The following GAS7 variants were observed in gnomAD, a reference collection of about 807,000 sequenced individuals.
GAS7 encodes growth arrest-specific protein 7.
In GAS7, 28 loss-of-function variants were observed where a neutral mutation model predicts 71.1. The ratio of observed to expected loss-of-function variants is 0.39; its 90% confidence interval spans 0.29 to 0.54. The LOEUF (loss-of-function observed/expected upper bound fraction) is 0.54. Ranked by LOEUF, GAS7 falls within the 20% of genes least tolerant of loss-of-function variation. The pLI, the probability that GAS7 is intolerant of heterozygous loss-of-function variation, is 0.62. For missense variants in GAS7, 436 were observed against 627.8 expected, an observed-to-expected ratio of 0.69 and a Z score of 3.27; for synonymous variants, 258 against 245.8, an observed-to-expected ratio of 1.05 and a Z score of -0.46.
At chr17:10,067,983 T>C (rs534654415) in intron 1 of GAS7, among the ~76,000 whole-genome samples, 1 of 152,360 alleles carries the variant, frequency 6.6e-6, no homozygotes, top group African/African-American at 2.4e-5. Flanking sequence ...TCTGATATTA[T>C]AGGTCCAAAC....
At chr17:10,192,257 AAT>A (rs1225710102) in intron 1 of GAS7, among the ~76,000 whole-genome samples, 6 of 152,308 alleles carry the variant, frequency 3.9e-5, no homozygotes, top group Non-Finnish European at 8.8e-5. Context: ...GAGACAGAGA[AAT>A]ATACTAATTT....
intron 1 of GAS7, among the ~76,000 whole-genome samples, chr17:10,058,929 C>A (rs113203434): frequency 6.6e-6 from 1 of 152,236 alleles, no homozygotes; most frequent in Admixed American, 6.5e-5. Flanking sequence ...GAGGCCGATC[C>A]AGATCAAGTT....
At chr17:10,037,957 A>G (rs575063304) in intron 1 of GAS7, among the ~76,000 whole-genome samples, 9 of 152,320 alleles carry the variant, frequency 5.9e-5, no homozygotes, top group South Asian at 4.1e-4. Flanking sequence ...AAAATGACCA[A>G]TAAGCACATT....
At chr17:9,955,294 T>A (rs1400250408) in intron 5 of GAS7, among the ~76,000 whole-genome samples, 1 of 152,160 alleles carries the variant, frequency 6.6e-6, no homozygotes, top group African/African-American at 2.4e-5. Flanking sequence ...TCCTGATGGT[T>A]AATACCAGGG....
At chr17:9,940,318 C>T (rs2068557098) in intron 7 of GAS7, 118 bp from the exon 8 acceptor site, 1 of 757,356 alleles carries the variant, frequency 1.3e-6, no homozygotes, top group Non-Finnish European at 2.4e-6. Context: ...AGCTCTGAGA[C>T]CACATGGCTC....
At chr17:10,126,736 G>T (rs1159706855) in intron 1 of GAS7, among the ~76,000 whole-genome samples, 1 of 152,212 alleles carries the variant, frequency 6.6e-6, no homozygotes, top group African/African-American at 2.4e-5. Context: ...TCTTTTGAGG[G>T]TTAGGAGCCA....
chr17:10,021,192 A>T (rs2072252982), intron 1 of GAS7, among the ~76,000 whole-genome samples: 1 of 152,214 alleles, frequency 6.6e-6, no homozygotes, highest in African/African-American at 2.4e-5. Flanking sequence ...TTCTCAGCAA[A>T]GCCAGGGGAC....
At chr17:10,173,962 A>G (rs1176550651) in intron 1 of GAS7, among the ~76,000 whole-genome samples, 2 of 152,192 alleles carry the variant, frequency 1.3e-5, no homozygotes, top group South Asian at 2.1e-4. Flanking sequence ...CAGGAAAACC[A>G]GCTGATCTCT....
At chr17:10,138,957 A>G (rs1005239441) in intron 1 of GAS7, among the ~76,000 whole-genome samples, 1 of 152,222 alleles carries the variant, frequency 6.6e-6, no homozygotes, top group African/African-American at 2.4e-5. Flanking sequence ...GATCATCTTG[A>G]GAGATGCTGA....
At chr17:10,053,542 C>A (rs2073092112) in intron 1 of GAS7, among the ~76,000 whole-genome samples, 1 of 152,176 alleles carries the variant, frequency 6.6e-6, no homozygotes, top group Non-Finnish European at 1.5e-5. Flanking sequence ...GGTCACACAC[C>A]ACCAGCCCCA....
chr17:10,133,115 T>TATATATATATATATA (rs201809756), intron 1 of GAS7, among the ~76,000 whole-genome samples: 1 of 123,820 alleles, frequency 8.1e-6, no homozygotes, highest in African/African-American at 3.0e-5. Context: ...AGATTATATA[T>TATATATATATATATA]TTTTATATTT....
At chr17:10,061,098 C>G (rs959517663) in intron 1 of GAS7, 5 of 152,346 alleles carry the variant, frequency 3.3e-5, no homozygotes, top group African/African-American at 1.2e-4. Flanking sequence ...GCCCAAGCTC[C>G]TAAGCCAGGA....
intron 1 of GAS7, among the ~76,000 whole-genome samples, chr17:10,180,670 C>T (rs1191011699): frequency 2.0e-5 from 3 of 152,178 alleles, no homozygotes; most frequent in African/African-American, 2.4e-5. Context: ...ATTTGAGTCA[C>T]ACACACTCTG....
Position 9,970,257 on chromosome 17 carries a change from G to A in GAS7, c.386-495C>T, listed in dbSNP as rs113331595. ...AAGAGGACTGGATTGACTGGTCACC[G>A]TGAAATTAGGCTCTGTCAATTAATA... On this transcript the variant is annotated intron_variant, in intron 3 of 13. Coordinates refer to ENST00000432992, the MANE Select transcript of GAS7 (RefSeq NM_201433.2). Among the ~76,000 whole-genome samples the A allele has an allele frequency of 8.5e-3, 1,299 of 152,276 alleles. 18 individuals are homozygous for A. The highest frequency in any genetic ancestry group is 0.029 in the African/African-American group (1,225 of 41,548).
rs1567836743 is a variant in GAS7, at chr17:9,969,317, T to A, written c.471+360A>T. Among the ~76,000 whole-genome samples the A allele has an allele frequency of 6.6e-6, 1 of 152,036 alleles. No homozygotes were observed. The highest frequency in any genetic ancestry group is 1.5e-5 in the Non-Finnish European group (1 of 68,014). ...CTGGGTAATCTGTCCGTGGGAGGGG[T>A]AGGGTAGAGAAAAGGAAAATTGTCT... On this transcript the variant is annotated intron_variant, in intron 4 of 13. Coordinates refer to ENST00000432992, the MANE Select transcript of GAS7 (RefSeq NM_201433.2). The surrounding 1 kb of genome is among the most constrained non-coding windows in gnomAD (Gnocchi z 5.5).
chr17:10,198,335 T>A lies in GAS7; in HGVS notation c.56A>T (p.Gln19Leu), dbSNP rs1481269935. The stretch of plus-strand genomic sequence containing the variant: ...CTCGCCCGCGGCGAAGCGCAGCCCC[T>A]GGCCGTGCCGCTCCCCGGAGAAGGG... ...LYPFSGERHG[Q>L]GLRFAAGELI... The change falls in exon 1 of 14, where the codon CAG becomes CTG. Residue 19 changes from glutamine (Q) to leucine (L), a missense_variant. Gln to Leu is a moderately radical substitution (Grantham distance 113). Coordinates refer to ENST00000432992, the MANE Select transcript of GAS7 (RefSeq NM_201433.2). 6.3e-7 allele frequency: 1 copy of A among 1,599,908 alleles called. No individual in the cohort carries two copies. The highest frequency in any genetic ancestry group is 2.2e-5 in the East Asian group (1 of 44,762).
intron 1 of GAS7, among the ~76,000 whole-genome samples, chr17:10,182,190 A>T (rs1279883460): frequency 6.6e-6 from 1 of 152,018 alleles, no homozygotes; most frequent in Admixed American, 6.6e-5. Flanking sequence ...ACGGAGTTTC[A>T]CTTTTGTCAC....
intron 9 of GAS7, among the ~76,000 whole-genome samples, chr17:9,927,895 G>T (rs1280114280): frequency 6.6e-6 from 1 of 152,146 alleles, no homozygotes; most frequent in East Asian, 1.9e-4. Flanking sequence ...TTCTCAGCTT[G>T]CTGGGCTGCC....
chr17:10,097,487 G>A (rs739358), intron 1 of GAS7, among the ~76,000 whole-genome samples: 6 of 152,190 alleles, frequency 3.9e-5, no homozygotes, highest in East Asian at 1.9e-4. Flanking sequence ...AAAGCAGGGC[G>A]AGCAGGACAC....
Sources: allele counts gnomAD v4.1 joint callset (sites outside exome capture counted in the v4.1 genomes callset), GRCh38; gene constraint gnomAD v4.1.1; non-coding constraint Gnocchi (gnomAD v3.1); transcripts MANE v1.5; gene names NCBI Gene and HGNC (gene_info 2026-07-23, HGNC 2026-07-21).